SERINC5: variants seen among roughly 807,000 people sequenced by gnomAD.
The protein encoded by SERINC5 is serine incorporator 5.
A neutral mutation model predicts 63.1 loss-of-function variants in SERINC5; 41 were observed. The ratio of observed to expected loss-of-function variants is 0.65; its 90% CI spans 0.51 to 0.84. The LOEUF (loss-of-function observed/expected upper bound fraction) is 0.84. SERINC5 is among the 40% of genes least tolerant of loss of function. The pLI is 0.00. For missense variants in SERINC5, 523 were observed against 573.0 expected, an observed-to-expected ratio of 0.91 and a Z score of 0.89; for synonymous variants, 222 against 215.2, an observed-to-expected ratio of 1.03 and a Z score of -0.28.
chr5:80,183,656 T>C (rs1748601580), intron 2 of SERINC5, among the ~76,000 whole-genome samples: 1 of 152,090 alleles, frequency 6.6e-6, no homozygotes, highest in Admixed American at 6.6e-5. Flanking sequence ...CCTGTGAATT[T>C]CCTTCTCCTG....
At chr5:80,122,705 C>T (rs1018846749) in intron 11 of SERINC5, among the ~76,000 whole-genome samples, 12 of 152,128 alleles carry the variant, frequency 7.9e-5, no homozygotes, top group African/African-American at 9.7e-5. Context: ...AAGGGGAATT[C>T]GGAGAGATTT....
At position 80,139,742 on chromosome 5, in the gene SERINC5, T is replaced by C. The variant is rs905342497; in HGVS notation, c.*3921A>G. ...GTTACAGGAAATAGCCTTCAGTAAA[T>C]TCCACAAGCCAAGTGGCTACTGCAT... On this transcript the variant is annotated 3_prime_UTR_variant, in exon 12 of 12. Coordinates refer to ENST00000507668, the MANE Select transcript of SERINC5 (RefSeq NM_001174072.3). The C allele has an allele frequency of 1.0e-6, 1 of 985,442 alleles. No homozygotes were observed. The highest frequency in any genetic ancestry group is 1.2e-6 in the Non-Finnish European group (1 of 829,940). 61.0% of individuals were successfully genotyped at this position (985,442 alleles called of 1,614,324 possible).
At chr5:80,230,102 C>G (rs1006804450) in intron 1 of SERINC5, among the ~76,000 whole-genome samples, 18 of 152,278 alleles carry the variant, frequency 1.2e-4, no homozygotes, top group African/African-American at 4.3e-4. Context: ...CTCGCTCCCT[C>G]TTGGAGGCTC....
intron 8 of SERINC5, among the ~76,000 whole-genome samples, chr5:80,154,021 T>C (rs1355702654): frequency 6.6e-6 from 1 of 152,174 alleles, no homozygotes; most frequent in East Asian, 1.9e-4. Context: ...TCCGCCTCCC[T>C]GACAAACGTA....
intron 2 of SERINC5, 132 bp from the exon 3 acceptor site, chr5:80,178,196 C>A (rs1039065017): frequency 2.6e-5 from 14 of 540,100 alleles, no homozygotes; most frequent in Non-Finnish European, 4.6e-5. Context: ...GACTGAGGAT[C>A]TATCTTCTAA....
chr5:80,147,310 G>C, intron 9 of SERINC5, 26 bp from the exon 10 acceptor site: 1 of 1,601,702 alleles, frequency 6.2e-7, no homozygotes, highest in Non-Finnish European at 8.5e-7. Context: ...CAACAGTCAG[G>C]CGGCTTGTGT....
rs75966410 is a variant in SERINC5 at position 80,188,935 on chromosome 5, T to C, written c.196-10871A>G. On this transcript the variant is annotated intron_variant, in intron 2 of 11. Coordinates refer to ENST00000507668, the MANE Select transcript of SERINC5 (RefSeq NM_001174072.3). ...ACAGCAAAACCCTGTCTCAGAAAAA[T>C]AGATAAAAATTTAGAATTCTACAAT... 9.4e-3 allele frequency among the ~76,000 whole-genome samples: 1,438 copies of C among 152,194 alleles called. 30 individuals are homozygous for C. Among genetic ancestry groups the C allele is most frequent in the African/African-American group, 0.033 (1,379 of 41,528 alleles).
intron 1 of SERINC5, among the ~76,000 whole-genome samples, chr5:80,230,955 G>A (rs1294938357): frequency 6.6e-6 from 1 of 152,022 alleles, no homozygotes; most frequent in African/African-American, 2.4e-5. Flanking sequence ...TGGAACTACA[G>A]GCGCACACTA....
chr5:80,220,655 A>C (rs1259610455), intron 1 of SERINC5, among the ~76,000 whole-genome samples: 1 of 152,130 alleles, frequency 6.6e-6, no homozygotes, highest in Non-Finnish European at 1.5e-5. Flanking sequence ...GGGCCAGGAC[A>C]CACCTGATTG....
chr5:80,141,324 G>A lies in SERINC5; in HGVS notation c.*2339C>T. 12 of 985,452 alleles carry A rather than the reference G, an allele frequency of 1.2e-5. No individual in the cohort carries two copies. The highest frequency in any genetic ancestry group is 1.4e-5 in the Non-Finnish European group (12 of 829,946). The allele number at this position is 985,452 out of a possible 1,614,324, so 61.0% of individuals were successfully genotyped here. On this transcript the variant is annotated 3_prime_UTR_variant, in exon 12 of 12. Transcript: ENST00000507668. Reference sequence around the variant, plus strand: ...TTGTGTGGCTGGGCTGGCTCCAGAAGGAAGCGACGAGGGCCTTCTACCGGC... The same window carrying A: ...TTGTGTGGCTGGGCTGGCTCCAGAAAGAAGCGACGAGGGCCTTCTACCGGC...
intron 11 of SERINC5, among the ~76,000 whole-genome samples, chr5:80,145,249 C>A (rs1391621299): frequency 3.3e-5 from 5 of 152,008 alleles, no homozygotes; most frequent in Non-Finnish European, 4.4e-5. Flanking sequence ...AAGGCTGAGG[C>A]AGGAGAATCA....
chr5:80,124,253 G>A (rs1192064645), intron 11 of SERINC5, among the ~76,000 whole-genome samples: 1 of 152,150 alleles, frequency 6.6e-6, no homozygotes, highest in Admixed American at 6.6e-5. Context: ...AAAGCCAAAT[G>A]GGCACCCCCA....
chr5:80,192,579 C>T (rs1050633596), intron 2 of SERINC5, among the ~76,000 whole-genome samples: 1 of 152,102 alleles, frequency 6.6e-6, no homozygotes. Flanking sequence ...ATCAATAGCT[C>T]GAACAGAAAA....
chr5:80,211,116 T>C (rs557739143), intron 1 of SERINC5, among the ~76,000 whole-genome samples: 3 of 152,212 alleles, frequency 2.0e-5, no homozygotes, highest in African/African-American at 4.8e-5. Flanking sequence ...GCAAGCATGA[T>C]GAGTTAACCC....
At chr5:80,245,965 TAAAAAAAAAAAA>T (rs57108110) in intron 1 of SERINC5, among the ~76,000 whole-genome samples, 51 of 115,958 alleles carry the variant, frequency 4.4e-4, no homozygotes, top group African/African-American at 1.5e-3. Flanking sequence ...GTCAGCTCTT[TAAAAAAAAAAAA>T]AAAAAAAAAA....
chr5:80,132,583 T>C (rs1744990450), intron 11 of SERINC5, among the ~76,000 whole-genome samples: 1 of 150,094 alleles, frequency 6.7e-6, no homozygotes, highest in African/African-American at 2.5e-5. Context: ...TTTACCTATA[T>C]GCATTTGCCT....
chr5:80,143,592 C>T lies in SERINC5; in HGVS notation c.*71G>A, dbSNP rs1040637060. The stretch of plus-strand genomic sequence containing the variant: ...AGGCACAGGGCGCCAGTCCCTGCCC[C>T]GGGGACACTGTTCAAAAGATGGCAC... On this transcript the variant is annotated 3_prime_UTR_variant, in exon 12 of 12. Coordinates refer to ENST00000507668, the MANE Select transcript of SERINC5 (RefSeq NM_001174072.3). 1.9e-5 allele frequency: 28 copies of T among 1,497,474 alleles called. No individual in the cohort carries two copies. The African/African-American group carries it at 1.9e-4, about 10-fold the overall frequency. 92.8% of individuals were successfully genotyped at this position (1,497,474 alleles called of 1,614,324 possible).
At chr5:80,248,984 T>C (rs531142366) in intron 1 of SERINC5, among the ~76,000 whole-genome samples, 14 of 152,318 alleles carry the variant, frequency 9.2e-5, no homozygotes, top group African/African-American at 3.1e-4. Flanking sequence ...CAAAAGCTCA[T>C]TAAGTGACTT....
At chr5:80,223,358 T>C (rs1433407267) in intron 1 of SERINC5, among the ~76,000 whole-genome samples, 8 of 152,316 alleles carry the variant, frequency 5.3e-5, no homozygotes, top group Admixed American at 5.2e-4. Context: ...AGATTACTCA[T>C]AATACCTGAT....
Sources: gnomAD v4.1 joint callset for allele counts (sites outside exome capture counted in the v4.1 genomes callset) on GRCh38, gnomAD v4.1.1 for gene constraint, MANE v1.5 for transcripts, NCBI Gene and HGNC (gene_info 2026-07-23, HGNC 2026-07-21) for gene names.